Variants in LRMDA observed in about 807,000 individuals in gnomAD.
LRMDA encodes the protein leucine rich melanocyte differentiation associated.
LRMDA carries 18 observed loss-of-function variants against 29.8 expected under a neutral mutation model. The ratio of observed to expected loss-of-function variants is 0.60; its 90% CI spans 0.42 to 0.90. The LOEUF (loss-of-function observed/expected upper bound fraction) is 0.90, where lower values mean the gene tolerates loss of function less well. Among genes scored for constraint, LRMDA ranks in the 40% least tolerant of loss-of-function variants. LRMDA has a pLI of 0.00. For missense variants in LRMDA, 273 were observed against 273.9 expected, an observed-to-expected ratio of 1.00 and a Z score of 0.02; for synonymous variants, 125 against 109.4, an observed-to-expected ratio of 1.14 and a Z score of -0.89.
At chr10:75,572,975 A>C (rs1840455876) in intron 2 of LRMDA, among the ~76,000 whole-genome samples, 1 of 152,188 alleles carries the variant, frequency 6.6e-6, no homozygotes, top group South Asian at 2.1e-4. Flanking sequence ...CAGAAACCAA[A>C]TTTTCTTTAA....
rs144610724 is a variant in LRMDA at position 76,424,175 on chromosome 10, T to G, written c.601+99690T>G. On this transcript the variant is annotated intron_variant, in intron 6 of 6. Transcript: ENST00000611255. Reference sequence around the variant, plus strand: ...TGATTTTTGACATTAAGGATCTAAGTGCTCATATTTGAGAGTCTGATCTAG... The same window carrying G: ...TGATTTTTGACATTAAGGATCTAAGGGCTCATATTTGAGAGTCTGATCTAG... Among the ~76,000 whole-genome samples, 399 of 152,316 alleles carry G rather than the reference T, an allele frequency of 2.6e-3. 2 individuals are homozygous for G. Among genetic ancestry groups the G allele is most frequent in the Non-Finnish European group, 4.4e-3 (299 of 68,028 alleles).
chr10:75,431,784 G>C, intron 1 of LRMDA, 30 bp downstream of exon 1: 3 of 1,345,420 alleles, frequency 2.2e-6, no homozygotes, highest in Non-Finnish European at 2.9e-6. Flanking sequence ...GCCTCCGCCC[G>C]GGGCGCAGTC....
Position 75,727,174 on chromosome 10 carries a change from G to A in LRMDA, c.131+288680G>A, listed in dbSNP as rs987337048. Among the ~76,000 whole-genome samples the A allele has an allele frequency of 5.9e-5, 9 of 152,196 alleles. No individual in the cohort carries two copies. The East Asian group carries it at 1.7e-3, about 29-fold the overall frequency. On this transcript the variant is annotated intron_variant, in intron 2 of 6. Coordinates refer to ENST00000611255, the MANE Select transcript of LRMDA (RefSeq NM_001305581.2). ...GCTTGCTTCTCTGGTATTTATCTTT[G>A]CCATCCTTCACCTGATTTTTCTTCT...
chr10:76,535,608 C>G (rs1251595135), intron 6 of LRMDA, among the ~76,000 whole-genome samples: 1 of 152,052 alleles, frequency 6.6e-6, no homozygotes, highest in Non-Finnish European at 1.5e-5. Flanking sequence ...GCCTCTTCCT[C>G]CTAAATTATT....
intron 2 of LRMDA, among the ~76,000 whole-genome samples, chr10:75,583,700 T>G (rs547407006): frequency 6.6e-6 from 1 of 152,252 alleles, no homozygotes; most frequent in East Asian, 1.9e-4. Flanking sequence ...CTCCTCCTCT[T>G]GTATTTTTTT....
At chr10:75,989,085 G>A (rs1339661151) in intron 2 of LRMDA, among the ~76,000 whole-genome samples, 1 of 151,508 alleles carries the variant, frequency 6.6e-6, no homozygotes, top group Non-Finnish European at 1.5e-5. Context: ...TTCCATTGCG[G>A]GAATCCAACT....
At position 75,618,648 on chromosome 10, in the gene LRMDA, A is replaced by C. The variant is rs935314144; in HGVS notation, c.131+180154A>C. On this transcript the variant is annotated intron_variant, in intron 2 of 6. Coordinates refer to ENST00000611255, the MANE Select transcript of LRMDA (RefSeq NM_001305581.2). ...CTACTAATAGCCTAATTTTGACCAG[A>C]AGCCTTACCAATAACATAAACAGTA... Among the ~76,000 whole-genome samples the C allele has an allele frequency of 5.3e-4, 80 of 150,264 alleles. 1 individual carries two copies. The highest frequency in any genetic ancestry group is 1.5e-5 in the Non-Finnish European group (1 of 67,678).
chr10:76,131,166 C>T (rs546825666), intron 5 of LRMDA, among the ~76,000 whole-genome samples: 43 of 152,296 alleles, frequency 2.8e-4, no homozygotes, highest in South Asian at 8.3e-4. Context: ...TTGGTGCTTC[C>T]GCCGAATTGG....
intron 2 of LRMDA, among the ~76,000 whole-genome samples, chr10:75,792,496 C>A (rs866347854): frequency 3.9e-5 from 6 of 152,172 alleles, no homozygotes; most frequent in Admixed American, 2.6e-4. Flanking sequence ...ATCTGCTGAC[C>A]TCATGATCCA....
chr10:75,981,712 A>C (rs7068981), intron 2 of LRMDA, among the ~76,000 whole-genome samples: 55,676 of 151,688 alleles, frequency 0.37, 11,557 homozygotes, highest in African/African-American at 0.55. Context: ...ATTAGCTGGG[A>C]ATGGTGGTGG....
At position 76,536,613 on chromosome 10, in the gene LRMDA, A is replaced by G. The variant is rs190226139; in HGVS notation, c.602-20596A>G. Among the ~76,000 whole-genome samples the G allele has an allele frequency of 3.3e-5, 5 of 152,274 alleles. No individual in the cohort carries two copies. In the East Asian group the frequency reaches 7.7e-4, roughly 24 times the overall value. On this transcript the variant is annotated intron_variant, in intron 6 of 6. Coordinates refer to ENST00000611255, the MANE Select transcript of LRMDA (RefSeq NM_001305581.2). The stretch of plus-strand genomic sequence containing the variant: ...ATGTCCCACATTCTGAATTTTTCTG[A>G]ACATTCCCTCATGGTTTGATTCAAG...
chr10:76,245,321 T>G (rs1852354780), intron 5 of LRMDA, among the ~76,000 whole-genome samples: 1 of 152,148 alleles, frequency 6.6e-6, no homozygotes, highest in South Asian at 2.1e-4. Flanking sequence ...TAAATGGCAT[T>G]GAAAATCCAG....
chr10:76,558,098 G>A lies in LRMDA; in HGVS notation c.*810G>A, dbSNP rs893230330. 1 of 152,288 alleles carries A rather than the reference G, an allele frequency of 6.6e-6. No homozygotes were observed. Among genetic ancestry groups the A allele is most frequent in the Non-Finnish European group, 1.5e-5 (1 of 68,046 alleles). The allele number at this position is 152,288 out of a possible 1,614,324, so 9.4% of individuals were successfully genotyped here. ...TGTAAGGCATAAGGCATCTTTCTCA[G>A]CATGAGGGTTTGGTTGCACCAGGGA... On this transcript the variant is annotated 3_prime_UTR_variant, in exon 7 of 7. Coordinates refer to ENST00000611255, the MANE Select transcript of LRMDA (RefSeq NM_001305581.2).
chr10:76,214,356 A>T (rs11001690), intron 5 of LRMDA, among the ~76,000 whole-genome samples: 115,224 of 119,296 alleles, frequency 0.97, 55,620 homozygotes, highest in Middle Eastern at 0.99. Context: ...TTTTTTTTTT[A>T]TGAGACGGAG....
intron 2 of LRMDA, among the ~76,000 whole-genome samples, chr10:75,631,238 G>A (rs1841317940): frequency 6.6e-6 from 1 of 152,050 alleles, no homozygotes; most frequent in Non-Finnish European, 1.5e-5. Context: ...CTCACCCTAA[G>A]TCCTATATCC....
intron 2 of LRMDA, among the ~76,000 whole-genome samples, chr10:75,458,790 C>G (rs761896630): frequency 5.9e-5 from 9 of 152,114 alleles, no homozygotes; most frequent in Non-Finnish European, 1.0e-4. Context: ...ATTTACTCTT[C>G]CTGCCTTGGG....
intron 2 of LRMDA, among the ~76,000 whole-genome samples, chr10:75,762,518 C>T (rs1337911945): frequency 6.6e-6 from 1 of 152,208 alleles, no homozygotes; most frequent in Non-Finnish European, 1.5e-5. Context: ...AGAATGTTGA[C>T]ACAAGAAACC....
chr10:76,383,880 C>A (rs1385614269), intron 6 of LRMDA, among the ~76,000 whole-genome samples: 1 of 152,174 alleles, frequency 6.6e-6, no homozygotes, highest in African/African-American at 2.4e-5. Context: ...TTTAAAGGAG[C>A]CACAACCAGC....
intron 2 of LRMDA, among the ~76,000 whole-genome samples, chr10:75,977,124 CTTT>C (rs57497935): frequency 2.1e-5 from 3 of 140,290 alleles, no homozygotes; most frequent in African/African-American, 7.9e-5. Context: ...CTTTTCTTCC[CTTT>C]TTTTTTTTTT....
Sources: allele counts gnomAD v4.1 joint callset (sites outside exome capture counted in the v4.1 genomes callset), GRCh38; gene constraint gnomAD v4.1.1; transcripts MANE v1.5; gene names NCBI Gene and HGNC (gene_info 2026-07-23, HGNC 2026-07-21).